The following BLVRA variants were observed in gnomAD, a reference collection of about 807,000 sequenced individuals.
BLVRA encodes BVR A.
In BLVRA, 22 loss-of-function variants were observed where a neutral mutation model predicts 32.8. The ratio of observed to expected loss-of-function variants is 0.67; its 90% CI spans 0.48 to 0.96. BLVRA has a LOEUF of 0.96. Among genes scored for constraint, BLVRA ranks in the 40% least tolerant of loss-of-function variants. The pLI is 0.00. For synonymous variants in BLVRA, 119 were observed against 141.3 expected, an observed-to-expected ratio of 0.84 and a Z score of 1.12; for missense variants, 323 against 358.1, an observed-to-expected ratio of 0.90 and a Z score of 0.79.
intron 1 of BLVRA, chr7:43,759,986 T>TG (rs2095740449): frequency 1.8e-5 from 2 of 113,088 alleles, no homozygotes; most frequent in Non-Finnish European, 3.4e-5. Context: ...ATTTCATATG[T>TG]AATTTTTTTT....
intron 1 of BLVRA, among the ~76,000 whole-genome samples, chr7:43,759,384 A>C (rs1210271667): frequency 6.6e-6 from 1 of 152,270 alleles, no homozygotes. Flanking sequence ...AAATTATAAA[A>C]AGAATGAGAC....
Position 43,807,130 on chromosome 7 carries a change from C to G in BLVRA, c.786C>G (p.Leu262=). The change falls in exon 8 of 8, where the codon CTC becomes CTG. Residue 262 remains leucine, a synonymous_variant. Coordinates refer to ENST00000265523, the MANE Select transcript of BLVRA (RefSeq NM_000712.4). ...ATCAAAATATATTTGTCCAGAAACT[C>G]TTGGGCCAGTTCTCTGAGAAGGAAC... ...LKDQNIFVQK[L]LGQFSEKELA... The G allele has an allele frequency of 6.2e-7, 1 of 1,614,094 alleles. No homozygotes were observed. Among genetic ancestry groups the G allele is most frequent in the Non-Finnish European group, 8.5e-7 (1 of 1,180,036 alleles).
At chr7:43,781,792 A>C (rs1188198698) in intron 2 of BLVRA, among the ~76,000 whole-genome samples, 1 of 152,228 alleles carries the variant, frequency 6.6e-6, no homozygotes, top group African/African-American at 2.4e-5. Context: ...GCAAGATGCT[A>C]TTATTACCCA....
intron 2 of BLVRA, among the ~76,000 whole-genome samples, chr7:43,775,494 T>C (rs1166096100): frequency 6.6e-6 from 1 of 152,220 alleles, no homozygotes; most frequent in Non-Finnish European, 1.5e-5. Context: ...TGAAGCCCAC[T>C]TGATCATGGT....
At position 43,800,592 on chromosome 7, in the gene BLVRA, A is replaced by C; in HGVS notation, c.460+20A>C. ...TCACAGGTCAGTGCTACGTGGGATC[A>C]CAGGTCACATGTGAGGTCCAAAGAC... On this transcript the variant is annotated intron_variant, in intron 6 of 7. Coordinates refer to ENST00000265523, the MANE Select transcript of BLVRA (RefSeq NM_000712.4). The C allele has an allele frequency of 6.2e-7, 1 of 1,602,090 alleles. No individual in the cohort carries two copies. The highest frequency in any genetic ancestry group is 8.6e-7 in the Non-Finnish European group (1 of 1,169,418).
intron 5 of BLVRA, among the ~76,000 whole-genome samples, chr7:43,797,415 G>A (rs1012666004): frequency 6.6e-6 from 1 of 152,204 alleles, no homozygotes; most frequent in African/African-American, 2.4e-5. Context: ...ATTAAGGTAC[G>A]TACGTTGTTT....
At chr7:43,774,948 A>T (rs1424698899) in intron 2 of BLVRA, among the ~76,000 whole-genome samples, 3 of 152,086 alleles carry the variant, frequency 2.0e-5, no homozygotes, top group Non-Finnish European at 2.9e-5. Context: ...TTTGTCTGTT[A>T]TTGGTGTATA....
rs1585711255 is a variant in BLVRA at position 43,767,362 on chromosome 7, T to G, written c.-21-3776T>G. On this transcript the variant is annotated intron_variant, in intron 1 of 7. Coordinates refer to ENST00000265523, the MANE Select transcript of BLVRA (RefSeq NM_000712.4). Reference sequence around the variant, plus strand: ...GTTCGGAAAAGAAAGCTCATTAGCATCTACACTGAAGACGCTCCTGTTCTT... The same window carrying G: ...GTTCGGAAAAGAAAGCTCATTAGCAGCTACACTGAAGACGCTCCTGTTCTT... 3 of 1,599,608 alleles carry G rather than the reference T, an allele frequency of 1.9e-6. No homozygotes were observed. In the African/African-American group the frequency reaches 4.0e-5, roughly 21 times the overall value.
intron 5 of BLVRA, among the ~76,000 whole-genome samples, chr7:43,798,999 C>T (rs969478676): frequency 6.6e-6 from 1 of 150,902 alleles, no homozygotes; most frequent in East Asian, 1.9e-4. Context: ...GGGCAGTGGG[C>T]GAAACTACCT....
chr7:43,801,021 C>T (rs1040261832), intron 6 of BLVRA, among the ~76,000 whole-genome samples: 10 of 151,900 alleles, frequency 6.6e-5, no homozygotes, highest in African/African-American at 2.2e-4. Flanking sequence ...TACTCTGTTG[C>T]CCAGGTCTTA....
rs200624861 is a variant in BLVRA at position 43,791,386 on chromosome 7, G to A, written c.254+18G>A. On this transcript the variant is annotated intron_variant, in intron 4 of 7. Coordinates refer to ENST00000265523, the MANE Select transcript of BLVRA (RefSeq NM_000712.4). ...TACATCAGGTGGGTTTTCCACACAG[G>A]CAGTCCTTGCCTTACACAGCAGTGC... 6.2e-7 allele frequency: 1 copy of A among 1,614,032 alleles called. No homozygotes were observed. The highest frequency in any genetic ancestry group is 1.3e-5 in the African/African-American group (1 of 75,048).
chr7:43,791,346 T>G lies in BLVRA; in HGVS notation c.232T>G (p.Ser78Ala). 6.2e-7 allele frequency: 1 copy of G among 1,613,838 alleles called. No homozygotes were observed. The highest frequency in any genetic ancestry group is 8.5e-7 in the Non-Finnish European group (1 of 1,179,996). ...VEVAYICSES[S>A]SHEDYIRQFL... ...GGTCGCCTATATCTGCAGTGAGAGC[T>G]CCAGCCATGAGGACTACATCAGGTG... Residue 78 changes from serine to alanine, a missense_variant, in exon 4 of 8, where the codon TCC becomes GCC. Ser to Ala is a moderately conservative substitution (Grantham distance 99). Coordinates refer to ENST00000265523, the MANE Select transcript of BLVRA (RefSeq NM_000712.4).
intron 1 of BLVRA, 48 bp from the exon 2 acceptor site, chr7:43,771,090 T>G: frequency 6.4e-7 from 1 of 1,560,722 alleles, no homozygotes; most frequent in Non-Finnish European, 8.8e-7. Context: ...TGCCTGGAGT[T>G]TGGGCAGGTG....
intron 1 of BLVRA, chr7:43,767,290 G>A (rs2095749280): frequency 2.6e-6 from 3 of 1,138,032 alleles, no homozygotes; most frequent in East Asian, 4.7e-5. Context: ...CAACTACACT[G>A]TGGAGCACCC....
chr7:43,800,145 G>A (rs888740235), intron 5 of BLVRA, among the ~76,000 whole-genome samples: 2 of 151,778 alleles, frequency 1.3e-5, no homozygotes, highest in African/African-American at 4.8e-5. Flanking sequence ...TAGTAGAGGT[G>A]GGGTTTCACC....
intron 6 of BLVRA, 76 bp from the exon 7 acceptor site, chr7:43,803,600 A>ACCCCCC: frequency 1.0e-5 from 5 of 478,312 alleles, no homozygotes; most frequent in Middle Eastern, 5.5e-4. Context: ...CACCCCCGCC[A>ACCCCCC]CCCCCACCCC....
intron 7 of BLVRA, among the ~76,000 whole-genome samples, chr7:43,806,571 A>C (rs1176913936): frequency 1.3e-5 from 2 of 151,494 alleles, no homozygotes; most frequent in East Asian, 3.9e-4. Flanking sequence ...GCAAAACCCC[A>C]TTTCTACTAA....
Position 43,777,702 on chromosome 7 carries a change from TG to T in BLVRA, c.12+6536del, listed in dbSNP as rs2095763047. The stretch of plus-strand genomic sequence containing the variant: ...TGAATGTTGGCCTGCCTTGCTAGAT[TG>T]GGGAAGTTCTCCTGGATAATATCCT... On this transcript the variant is annotated intron_variant, in intron 2 of 7. Transcript: ENST00000265523. Among the ~76,000 whole-genome samples the T allele has an allele frequency of 2.6e-5, 4 of 152,296 alleles. No homozygotes were observed. In the South Asian group the frequency reaches 8.3e-4, roughly 32 times the overall value.
intron 2 of BLVRA, among the ~76,000 whole-genome samples, chr7:43,782,639 A>C (rs1307214039): frequency 2.0e-5 from 3 of 152,068 alleles, no homozygotes; most frequent in Non-Finnish European, 1.5e-5. Context: ...AGAATGAGGG[A>C]CCCCCATATT....
Sources: allele counts gnomAD v4.1 joint callset (sites outside exome capture counted in the v4.1 genomes callset), GRCh38; gene constraint gnomAD v4.1.1; transcripts MANE v1.5; gene names NCBI Gene and HGNC (gene_info 2026-07-23, HGNC 2026-07-21).